NKAIN2: variants seen among roughly 807,000 people sequenced by gnomAD.
NKAIN2 encodes the protein sodium/potassium-transporting ATPase subunit beta-1-interacting protein 2.
Under a neutral mutation model 32.6 loss-of-function variants are expected in NKAIN2, and 14 were observed. The observed-to-expected ratio is 0.43, with a 90% CI of 0.28 to 0.67. The LOEUF is 0.67. Among genes scored for constraint, NKAIN2 ranks in the 30% least tolerant of loss-of-function variants. NKAIN2 has a pLI of 0.17. For synonymous variants in NKAIN2, 80 were observed against 87.2 expected, an observed-to-expected ratio of 0.92 and a Z score of 0.46; for missense variants, 198 against 258.3, an observed-to-expected ratio of 0.77 and a Z score of 1.60.
chr6:124,193,137 TG>T (rs1245957219), intron 1 of NKAIN2, among the ~76,000 whole-genome samples: 1 of 152,222 alleles, frequency 6.6e-6, no homozygotes, highest in Non-Finnish European at 1.5e-5. Flanking sequence ...GATTATGTTA[TG>T]GCATACTTCA....
chr6:124,271,414 C>T (rs1794782015), intron 1 of NKAIN2, among the ~76,000 whole-genome samples: 1 of 152,186 alleles, frequency 6.6e-6, no homozygotes, highest in Non-Finnish European at 1.5e-5. Flanking sequence ...GATGGTGTTT[C>T]ACCATGTTAG....
chr6:124,034,409 A>C (rs573090798), intron 1 of NKAIN2, among the ~76,000 whole-genome samples: 14 of 152,204 alleles, frequency 9.2e-5, no homozygotes, highest in African/African-American at 3.4e-4. Flanking sequence ...ACTTAGGATA[A>C]TGACCTCTGG....
intron 1 of NKAIN2, among the ~76,000 whole-genome samples, chr6:123,896,209 A>G (rs145368197): frequency 3.4e-4 from 52 of 152,346 alleles, no homozygotes; most frequent in African/African-American, 1.2e-3. Flanking sequence ...GCTGTATTGC[A>G]GATACTGAGA....
At chr6:124,669,858 T>C (rs924053601) in intron 4 of NKAIN2, among the ~76,000 whole-genome samples, 2 of 152,064 alleles carry the variant, frequency 1.3e-5, no homozygotes, top group African/African-American at 4.8e-5. Flanking sequence ...TCCATTTATC[T>C]GTTTCCTTCT....
intron 4 of NKAIN2, among the ~76,000 whole-genome samples, chr6:124,709,606 G>C (rs1290573691): frequency 6.7e-6 from 1 of 149,736 alleles, no homozygotes; most frequent in African/African-American, 2.5e-5. Flanking sequence ...ATTTCTTCTA[G>C]ATTTTCTAGT....
chr6:124,820,099 G>T (rs1329456734), intron 6 of NKAIN2, among the ~76,000 whole-genome samples: 2 of 151,938 alleles, frequency 1.3e-5, no homozygotes, highest in Admixed American at 6.6e-5. Context: ...TACTACAGTT[G>T]TTTGCTATGC....
At chr6:124,276,729 T>G (rs1795053061) in intron 1 of NKAIN2, among the ~76,000 whole-genome samples, 1 of 152,184 alleles carries the variant, frequency 6.6e-6, no homozygotes, top group Non-Finnish European at 1.5e-5. Flanking sequence ...AACAATATTA[T>G]AAAGACCTAG....
At chr6:124,687,753 C>CACA (rs1774047926) in intron 4 of NKAIN2, among the ~76,000 whole-genome samples, 1 of 139,326 alleles carries the variant, frequency 7.2e-6, no homozygotes. Context: ...TACACACACA[C>CACA]ACACACACAC....
At chr6:123,954,057 G>GA (rs1777452203) in intron 1 of NKAIN2, among the ~76,000 whole-genome samples, 2 of 152,152 alleles carry the variant, frequency 1.3e-5, no homozygotes, top group Admixed American at 6.5e-5. Flanking sequence ...TGTGGAAGTG[G>GA]CCCATGCTCC....
At chr6:124,379,132 A>G (rs1423534400) in intron 3 of NKAIN2, among the ~76,000 whole-genome samples, 588 of 42,714 alleles carry the variant, frequency 0.014, 10 homozygotes, top group Non-Finnish European at 0.021. Context: ...GGAGGGGAGG[A>G]GAGGGGAGGG....
chr6:124,155,039 T>C (rs1038639631), intron 1 of NKAIN2, among the ~76,000 whole-genome samples: 2 of 152,160 alleles, frequency 1.3e-5, no homozygotes, highest in Admixed American at 1.3e-4. Context: ...CTATGAGTTA[T>C]GGCATTTCAA....
At chr6:124,730,715 C>G (rs1776621090) in intron 4 of NKAIN2, among the ~76,000 whole-genome samples, 1 of 151,384 alleles carries the variant, frequency 6.6e-6, no homozygotes, top group African/African-American at 2.4e-5. Flanking sequence ...CAAATGGGAT[C>G]TAATGAAACT....
intron 4 of NKAIN2, among the ~76,000 whole-genome samples, chr6:124,697,847 T>C (rs1774576774): frequency 6.6e-6 from 1 of 152,192 alleles, no homozygotes; most frequent in Non-Finnish European, 1.5e-5. Context: ...AAAACTCCTA[T>C]ATCTTACACA....
intron 3 of NKAIN2, among the ~76,000 whole-genome samples, chr6:124,463,434 T>A (rs138478668): frequency 9.9e-5 from 15 of 152,194 alleles, no homozygotes; most frequent in African/African-American, 3.6e-4. Context: ...ATAAAAGTCT[T>A]CTACCATCTG....
chr6:124,336,862 A>G (rs1036709950), intron 2 of NKAIN2, among the ~76,000 whole-genome samples: 5 of 151,864 alleles, frequency 3.3e-5, no homozygotes, highest in African/African-American at 1.2e-4. Flanking sequence ...TAATAGAGAC[A>G]GGGTTTCACC....
intron 3 of NKAIN2, among the ~76,000 whole-genome samples, chr6:124,504,852 G>C (rs577458529): frequency 7.2e-5 from 11 of 152,308 alleles, no homozygotes; most frequent in African/African-American, 2.4e-4. Flanking sequence ...ATTCTAGAAA[G>C]TATGAACTAA....
intron 1 of NKAIN2, among the ~76,000 whole-genome samples, chr6:124,075,149 C>A (rs931066684): frequency 1.3e-5 from 2 of 152,132 alleles, no homozygotes; most frequent in Non-Finnish European, 2.9e-5. Flanking sequence ...AGAAAAACTT[C>A]TGTTATTGTC....
At chr6:124,037,090 T>G (rs1457994329) in intron 1 of NKAIN2, among the ~76,000 whole-genome samples, 1 of 152,132 alleles carries the variant, frequency 6.6e-6, no homozygotes, top group Non-Finnish European at 1.5e-5. Context: ...TTACCTGTGC[T>G]GGTTAATTCT....
intron 3 of NKAIN2, among the ~76,000 whole-genome samples, chr6:124,526,427 C>A (rs1253475040): frequency 2.0e-5 from 3 of 152,072 alleles, no homozygotes; most frequent in African/African-American, 7.2e-5. Context: ...GAGGTTATTT[C>A]TTTCTGCCAA....
Sources: allele counts gnomAD v4.1 joint callset (sites outside exome capture counted in the v4.1 genomes callset), GRCh38; gene constraint gnomAD v4.1.1; transcripts MANE v1.5; gene names NCBI Gene and HGNC (gene_info 2026-07-23, HGNC 2026-07-21).